Variants in KPNA3 observed in about 807,000 individuals in gnomAD.
KPNA3 encodes karyopherin subunit alpha 3.
KPNA3 carries 13 observed loss-of-function variants against 73.8 expected under a neutral mutation model. The ratio of observed to expected loss-of-function variants is 0.18; its 90% CI spans 0.11 to 0.28. The LOEUF (loss-of-function observed/expected upper bound fraction) is 0.28, where lower values mean the gene tolerates loss of function less well. KPNA3 is among the 10% of genes least tolerant of loss of function. The pLI, the probability that KPNA3 is intolerant of heterozygous loss-of-function variation, is 1.00. For synonymous variants in KPNA3, 186 were observed against 206.9 expected, an observed-to-expected ratio of 0.90 and a Z score of 0.87; for missense variants, 360 against 618.1, an observed-to-expected ratio of 0.58 and a Z score of 4.43.
intron 2 of KPNA3, among the ~76,000 whole-genome samples, chr13:49,740,957 C>T (rs927759793): frequency 2.6e-5 from 4 of 152,284 alleles, no homozygotes; most frequent in Admixed American, 1.3e-4. Flanking sequence ...AGTTCATCCA[C>T]GTTGTTGCAA....
chr13:49,747,657 G>C (rs1222636430), intron 1 of KPNA3, among the ~76,000 whole-genome samples: 1 of 152,204 alleles, frequency 6.6e-6, no homozygotes, highest in East Asian at 1.9e-4. Context: ...CTGCACTTTA[G>C]CTTGAGTGAC....
chr13:49,763,576 C>A (rs56149713), intron 1 of KPNA3, among the ~76,000 whole-genome samples: 2 of 152,180 alleles, frequency 1.3e-5, no homozygotes, highest in Non-Finnish European at 2.9e-5. Context: ...AAAAAGATTT[C>A]TTTTCCCAGG....
At chr13:49,785,773 T>C (rs1441078037) in intron 1 of KPNA3, among the ~76,000 whole-genome samples, 1 of 152,090 alleles carries the variant, frequency 6.6e-6, no homozygotes, top group African/African-American at 2.4e-5. Flanking sequence ...AAAAGTTTGT[T>C]TGCTATATGG....
chr13:49,765,381 T>C (rs946942397), intron 1 of KPNA3, among the ~76,000 whole-genome samples: 6 of 152,344 alleles, frequency 3.9e-5, no homozygotes, highest in Non-Finnish European at 7.3e-5. Context: ...TGTGGAACCA[T>C]TACCTTTTTT....
At chr13:49,752,184 A>G (rs531170639) in intron 1 of KPNA3, among the ~76,000 whole-genome samples, 1 of 152,332 alleles carries the variant, frequency 6.6e-6, no homozygotes, top group East Asian at 1.9e-4. Flanking sequence ...TGATGGAGCT[A>G]GACACAAAAT....
intron 2 of KPNA3, among the ~76,000 whole-genome samples, chr13:49,734,932 T>TAGAG (rs1395572299): frequency 7.8e-5 from 7 of 89,298 alleles, no homozygotes; most frequent in East Asian, 2.4e-4. Context: ...CATATATATA[T>TAGAG]ATATATAGAG....
chr13:49,720,327 G>A (rs534475918), intron 9 of KPNA3, among the ~76,000 whole-genome samples: 1 of 152,278 alleles, frequency 6.6e-6, no homozygotes, highest in South Asian at 2.1e-4. Flanking sequence ...ACAAAGCTTT[G>A]CTTGTTAAAT....
intron 11 of KPNA3, among the ~76,000 whole-genome samples, chr13:49,709,997 C>T (rs1285449067): frequency 6.6e-6 from 1 of 152,146 alleles, no homozygotes; most frequent in Non-Finnish European, 1.5e-5. Flanking sequence ...CATGGTGGCT[C>T]ATGCCTATAA....
intron 1 of KPNA3, among the ~76,000 whole-genome samples, chr13:49,779,215 T>C (rs530262270): frequency 8.5e-5 from 13 of 152,204 alleles, no homozygotes; most frequent in African/African-American, 3.1e-4. Context: ...CTGAAAATTG[T>C]TCATTACTGT....
At chr13:49,772,804 AAAAT>A (rs1388159584) in intron 1 of KPNA3, among the ~76,000 whole-genome samples, 14 of 152,248 alleles carry the variant, frequency 9.2e-5, no homozygotes, top group Admixed American at 2.6e-4. Context: ...ACTCTGTCTC[AAAAT>A]AAATAAAGAC....
intron 1 of KPNA3, among the ~76,000 whole-genome samples, chr13:49,785,461 G>T (rs1954974513): frequency 6.6e-6 from 1 of 152,138 alleles, no homozygotes; most frequent in Non-Finnish European, 1.5e-5. Flanking sequence ...AAAAACAAAG[G>T]CAGAACATGG....
intron 6 of KPNA3, among the ~76,000 whole-genome samples, chr13:49,730,680 A>G (rs1954457920): frequency 6.6e-6 from 1 of 151,186 alleles, no homozygotes; most frequent in Non-Finnish European, 1.5e-5. Context: ...CAGGTTAGTT[A>G]CATATGTATA....
intron 1 of KPNA3, among the ~76,000 whole-genome samples, chr13:49,766,099 C>G (rs1234012230): frequency 6.6e-6 from 1 of 152,166 alleles, no homozygotes; most frequent in Non-Finnish European, 1.5e-5. Flanking sequence ...TCAACTACCT[C>G]AAAAAGTAGT....
At chr13:49,790,499 T>C (rs1350454970) in intron 1 of KPNA3, among the ~76,000 whole-genome samples, 1 of 152,202 alleles carries the variant, frequency 6.6e-6, no homozygotes, top group African/African-American at 2.4e-5. Flanking sequence ...GTGGGGATAA[T>C]GCCACACTTC....
At chr13:49,720,693 C>A (rs1435361248) in intron 9 of KPNA3, among the ~76,000 whole-genome samples, 3 of 140,360 alleles carry the variant, frequency 2.1e-5, no homozygotes, top group African/African-American at 8.1e-5. Context: ...GATTGTGCCA[C>A]TGCACTCCAG....
intron 1 of KPNA3, among the ~76,000 whole-genome samples, chr13:49,766,150 G>A (rs1040586905): frequency 5.9e-5 from 9 of 152,162 alleles, no homozygotes; most frequent in Admixed American, 4.6e-4. Flanking sequence ...AAAGCAGCTC[G>A]TGTCACGAAG....
intron 7 of KPNA3, among the ~76,000 whole-genome samples, chr13:49,723,868 TAA>T (rs34273881): frequency 1.1e-4 from 14 of 127,786 alleles, no homozygotes; most frequent in African/African-American, 8.9e-5. Flanking sequence ...GACTCCGTCT[TAA>T]AAAAAAAAAA....
intron 1 of KPNA3, among the ~76,000 whole-genome samples, chr13:49,747,522 T>G (rs1236517861): frequency 6.6e-6 from 1 of 151,920 alleles, no homozygotes; most frequent in Non-Finnish European, 1.5e-5. Context: ...CCATCTCTAC[T>G]AAAAATACCA....
intron 1 of KPNA3, among the ~76,000 whole-genome samples, chr13:49,790,817 C>A (rs1955026882): frequency 6.6e-6 from 1 of 152,172 alleles, no homozygotes; most frequent in Non-Finnish European, 1.5e-5. Context: ...AAAACCTGTA[C>A]CAATATCCGA....
Sources: allele counts gnomAD v4.1 joint callset (sites outside exome capture counted in the v4.1 genomes callset), GRCh38; gene constraint gnomAD v4.1.1; transcripts MANE v1.5; gene names NCBI Gene and HGNC (gene_info 2026-07-23, HGNC 2026-07-21).